TENM3: variants seen among roughly 807,000 people sequenced by gnomAD.
The protein encoded by TENM3 is teneurin-3.
A neutral mutation model predicts 255.1 loss-of-function variants in TENM3; 63 were observed. That is an observed-to-expected ratio of 0.25 (90% CI 0.20 to 0.30). TENM3 has a LOEUF of 0.30. Ranked by LOEUF, TENM3 falls within the 10% of genes least tolerant of loss-of-function variation. TENM3 has a pLI of 1.00. For missense variants in TENM3, 2,929 were observed against 3,461.1 expected (o/e 0.85, Z 3.86); for synonymous variants, 1,306 against 1,322.3 (o/e 0.99, Z 0.27).
intron 12 of TENM3, among the ~76,000 whole-genome samples, chr4:182,689,318 C>T (rs1246979997): frequency 2.6e-5 from 4 of 152,082 alleles, no homozygotes; most frequent in Non-Finnish European, 4.4e-5. Flanking sequence ...CCGATGTATC[C>T]GTAAGTATTA....
At chr4:182,581,035 A>T (rs549586178) in intron 3 of TENM3, among the ~76,000 whole-genome samples, 1 of 152,348 alleles carries the variant, frequency 6.6e-6, no homozygotes, top group Admixed American at 6.5e-5. Flanking sequence ...ATTGTCATAC[A>T]AAAAGCAGAT....
chr4:182,185,499 A>G (rs2149760222), intron 1 of TENM3, among the ~76,000 whole-genome samples: 1 of 152,380 alleles, frequency 6.6e-6, no homozygotes, highest in Admixed American at 6.5e-5. Flanking sequence ...TAAAAAAGAA[A>G]AAAAACTTTC....
the TENM3 span, among the ~76,000 whole-genome samples, chr4:181,852,858 G>C: frequency 6.6e-6 from 1 of 152,226 alleles, no homozygotes; most frequent in African/African-American, 2.4e-5. Context: ...AGCCAGCGTA[G>C]TGGTGATGGT....
At chr4:181,450,605 C>T in the TENM3 span, among the ~76,000 whole-genome samples, 3 of 152,134 alleles carry the variant, frequency 2.0e-5, no homozygotes, top group Non-Finnish European at 4.4e-5. Context: ...ATTCAGAATG[C>T]GACCTGACTT....
At chr4:182,685,633 A>T (rs1210143494) in intron 11 of TENM3, among the ~76,000 whole-genome samples, 2 of 152,142 alleles carry the variant, frequency 1.3e-5, no homozygotes, top group African/African-American at 4.8e-5. Flanking sequence ...ATTAAATGTT[A>T]TAGAGATAAT....
chr4:181,588,515 A>G, the TENM3 span, among the ~76,000 whole-genome samples: 11 of 152,160 alleles, frequency 7.2e-5, no homozygotes, highest in Non-Finnish European at 1.5e-4. Flanking sequence ...AACCACTGTC[A>G]TAGGGAAGGA....
At chr4:182,166,703 C>T (rs1168857026) in intron 1 of TENM3, among the ~76,000 whole-genome samples, 3 of 152,124 alleles carry the variant, frequency 2.0e-5, no homozygotes, top group Non-Finnish European at 4.4e-5. Context: ...GCGATCTGAG[C>T]TCACTGCAAC....
At chr4:182,317,982 T>A (rs868347969) in intron 1 of TENM3, among the ~76,000 whole-genome samples, 6 of 152,290 alleles carry the variant, frequency 3.9e-5, no homozygotes, top group Middle Eastern at 3.4e-3. Context: ...GGCAAAAATT[T>A]TTTGGTACTC....
At chr4:182,219,861 C>T (rs1165266632) in intron 1 of TENM3, among the ~76,000 whole-genome samples, 2 of 152,124 alleles carry the variant, frequency 1.3e-5, no homozygotes, top group Non-Finnish European at 2.9e-5. Flanking sequence ...AAGGGGAAGG[C>T]AAATCACCTC....
intron 3 of TENM3, among the ~76,000 whole-genome samples, chr4:182,464,313 G>T (rs934322299): frequency 5.3e-5 from 8 of 152,148 alleles, no homozygotes; most frequent in Non-Finnish European, 1.2e-4. Flanking sequence ...CTAGAGTGCA[G>T]TGGTGCAATC....
At chr4:181,549,984 G>A in the TENM3 span, among the ~76,000 whole-genome samples, 3 of 151,728 alleles carry the variant, frequency 2.0e-5, no homozygotes, top group Non-Finnish European at 2.9e-5. Context: ...AATGTGTCTC[G>A]TCAGCATTTC....
In TENM3 at chr4:182,800,385, C is replaced by T; in HGVS notation, c.*34C>T. 3.3e-6 allele frequency: 5 copies of T among 1,529,706 alleles called. No homozygotes were observed. The highest frequency in any genetic ancestry group is 4.4e-6 in the Non-Finnish European group (5 of 1,145,060). 94.8% of individuals were successfully genotyped at this position (1,529,706 alleles called of 1,614,324 possible). On this transcript the variant is annotated 3_prime_UTR_variant, in exon 28 of 28. Coordinates refer to ENST00000511685, the MANE Select transcript of TENM3 (RefSeq NM_001080477.4). ...CCGCGCCCGCCGAGCCGCTCACGCC[C>T]TGCCCACATTGTCCTGTGGCACAAC... is the stretch of plus-strand genomic sequence containing the variant.
At chr4:182,020,615 A>T in the TENM3 span, among the ~76,000 whole-genome samples, 3 of 152,302 alleles carry the variant, frequency 2.0e-5, no homozygotes, top group South Asian at 4.1e-4. Flanking sequence ...CCCTGATTTG[A>T]TCACTATACA....
the TENM3 span, among the ~76,000 whole-genome samples, chr4:181,997,988 A>G: frequency 6.6e-6 from 1 of 152,358 alleles, no homozygotes; most frequent in Non-Finnish European, 1.5e-5. Flanking sequence ...AGATTCTTCT[A>G]GATTCTTATA....
intron 3 of TENM3, among the ~76,000 whole-genome samples, chr4:182,451,837 G>A (rs969683686): frequency 1.3e-5 from 2 of 152,114 alleles, no homozygotes; most frequent in South Asian, 4.1e-4. Flanking sequence ...TGGAACATCA[G>A]TTCTTTATGT....
chr4:181,533,005 A>G, the TENM3 span, among the ~76,000 whole-genome samples: 1 of 152,320 alleles, frequency 6.6e-6, no homozygotes, highest in Non-Finnish European at 1.5e-5. Flanking sequence ...AACGTAAACT[A>G]CTAACAGCAT....
At chr4:181,879,286 A>G in the TENM3 span, among the ~76,000 whole-genome samples, 1 of 152,024 alleles carries the variant, frequency 6.6e-6, no homozygotes, top group Non-Finnish European at 1.5e-5. Flanking sequence ...AAGTTGGGGG[A>G]GGGAGAGAAA....
At chr4:182,664,075 G>A (rs374747983) in intron 6 of TENM3, among the ~76,000 whole-genome samples, 6 of 152,024 alleles carry the variant, frequency 3.9e-5, no homozygotes, top group Admixed American at 1.3e-4. Flanking sequence ...TGCTTTCATC[G>A]TATTACAGGA....
At chr4:181,945,610 C>T in the TENM3 span, among the ~76,000 whole-genome samples, 1 of 151,752 alleles carries the variant, frequency 6.6e-6, no homozygotes, top group Non-Finnish European at 1.5e-5. Context: ...GCACCTCCAA[C>T]CTCATATACA....
Sources: gnomAD v4.1 joint callset for allele counts (sites outside exome capture counted in the v4.1 genomes callset) on GRCh38, gnomAD v4.1.1 for gene constraint, MANE v1.5 for transcripts, NCBI Gene and HGNC (gene_info 2026-07-23, HGNC 2026-07-21) for gene names.